ERICH3: variants seen among roughly 807,000 people sequenced by gnomAD.
The protein encoded by ERICH3 is glutamate rich 3.
In ERICH3, 126 loss-of-function variants were observed where a neutral mutation model predicts 131.1. The ratio of observed to expected loss-of-function variants is 0.96; its 90% CI spans 0.83 to 1.11. The LOEUF is 1.11. Ranked by LOEUF, ERICH3 falls within the 50% of genes most tolerant of loss-of-function variation. The probability of loss-of-function intolerance (pLI) is 0.00; values close to 1 mark genes in which losing one functional copy is unlikely to be tolerated. For synonymous variants in ERICH3, 695 were observed against 644.6 expected (o/e 1.08, Z -1.18); for missense variants, 2,050 against 1,810.7 (o/e 1.13, Z -2.40).
At chr1:74,628,415 A>G (rs1649485290) in intron 7 of ERICH3, among the ~76,000 whole-genome samples, 1 of 152,184 alleles carries the variant, frequency 6.6e-6, no homozygotes, top group Non-Finnish European at 1.5e-5. Flanking sequence ...TGGTATTGAT[A>G]AATACAGTAC....
At chr1:74,600,475 T>C (rs987670723) in intron 10 of ERICH3, among the ~76,000 whole-genome samples, 1 of 151,888 alleles carries the variant, frequency 6.6e-6, no homozygotes, top group Non-Finnish European at 1.5e-5. Flanking sequence ...AAAGGCATTA[T>C]GAAGGATTCT....
At chr1:74,588,504 GT>G (rs1300695474) in intron 12 of ERICH3, among the ~76,000 whole-genome samples, 1 of 152,138 alleles carries the variant, frequency 6.6e-6, no homozygotes, top group Non-Finnish European at 1.5e-5. Context: ...TTTAACAGTA[GT>G]TTTTAAGGGT....
intron 1 of ERICH3, among the ~76,000 whole-genome samples, chr1:74,659,200 C>T (rs981562910): frequency 1.3e-5 from 2 of 152,052 alleles, no homozygotes; most frequent in African/African-American, 4.8e-5. Context: ...GAGGATTGCT[C>T]CAGGAAGAGG....
At chr1:74,664,808 A>G (rs1159920140) in intron 1 of ERICH3, among the ~76,000 whole-genome samples, 1 of 152,220 alleles carries the variant, frequency 6.6e-6, no homozygotes, top group Non-Finnish European at 1.5e-5. Context: ...AGAGGTAGGA[A>G]GTAATTAGAT....
At chr1:74,601,362 A>G (rs1201227082) in intron 10 of ERICH3, among the ~76,000 whole-genome samples, 1 of 151,888 alleles carries the variant, frequency 6.6e-6, no homozygotes, top group Non-Finnish European at 1.5e-5. Flanking sequence ...AGACATTACA[A>G]TAAGACAATC....
At chr1:74,630,920 G>C (rs1211495925) in intron 7 of ERICH3, among the ~76,000 whole-genome samples, 2 of 152,030 alleles carry the variant, frequency 1.3e-5, no homozygotes, top group Non-Finnish European at 2.9e-5. Flanking sequence ...ATTCAAGCAA[G>C]CAGGAAGAAG....
At chr1:74,587,382 C>T (rs1403147086) in intron 12 of ERICH3, among the ~76,000 whole-genome samples, 2 of 150,594 alleles carry the variant, frequency 1.3e-5, no homozygotes, top group Non-Finnish European at 3.0e-5. Context: ...CAAACCTTGC[C>T]ATCTTGTGTT....
chr1:74,599,613 A>G, intron 11 of ERICH3, 82 bp downstream of exon 11: 1 of 1,147,812 alleles, frequency 8.7e-7, no homozygotes, highest in East Asian at 2.4e-5. Flanking sequence ...AAAGAGGATT[A>G]TCTCATTAAA....
At chr1:74,634,656 T>C (rs1646371313) in intron 6 of ERICH3, 1 of 714,676 alleles carries the variant, frequency 1.4e-6, no homozygotes, top group Non-Finnish European at 2.6e-6. Context: ...TAAAAAATAA[T>C]ATAATCACCT....
chr1:74,628,714 G>C (rs1279275737), intron 7 of ERICH3, among the ~76,000 whole-genome samples: 14 of 148,296 alleles, frequency 9.4e-5, no homozygotes, highest in African/African-American at 3.5e-4. Flanking sequence ...CACACACACA[G>C]ACACACTAAA....
At chr1:74,641,063 T>G (rs1025215753) in intron 5 of ERICH3, among the ~76,000 whole-genome samples, 1 of 151,990 alleles carries the variant, frequency 6.6e-6, no homozygotes, top group Non-Finnish European at 1.5e-5. Context: ...CCAGGGAAAG[T>G]ATTTGGGTGT....
chr1:74,625,538 A>C (rs1241662924), intron 7 of ERICH3: 1 of 151,976 alleles, frequency 6.6e-6, no homozygotes, highest in Non-Finnish European at 1.5e-5. Context: ...TCTTTCCTCT[A>C]TGTTTCTATT....
rs1422331918 is a variant in ERICH3, at chr1:74,573,213, G to A, written c.2497C>T (p.Pro833Ser). The stretch of plus-strand genomic sequence containing the variant: ...CCCTCTGCCCCCCTTTCTATGCCTG[G>A]AGGGATCTCCCTTTTTTCTGTAAAC... Reference protein sequence around the residue: ...EEFTEKREIPPGIERGAEGAA... With the variant: ...EEFTEKREIPSGIERGAEGAA... Residue 833 changes from proline (P) to serine (S), a missense_variant, in exon 14 of 15, where the codon CCA becomes TCA. Coordinates refer to ENST00000326665, the MANE Select transcript of ERICH3 (RefSeq NM_001002912.5). The A allele has an allele frequency of 6.2e-7, 1 of 1,612,558 alleles. No homozygotes were observed. The highest frequency in any genetic ancestry group is 8.5e-7 in the Non-Finnish European group (1 of 1,179,246).
At chr1:74,617,082 C>A (rs1225404526) in intron 8 of ERICH3, among the ~76,000 whole-genome samples, 1 of 149,292 alleles carries the variant, frequency 6.7e-6, no homozygotes, top group African/African-American at 2.5e-5. Context: ...TTAATCTGAG[C>A]AAAACATGGC....
chr1:74,589,984 TCAGTGTGGG>T lies in ERICH3; in HGVS notation c.1814_1822del (p.Ala605_Thr607del), dbSNP rs771313453. 5 of 1,613,918 alleles carry T rather than the reference TCAGTGTGGG, an allele frequency of 3.1e-6. No homozygotes were observed. In the South Asian group the frequency reaches 5.5e-5, roughly 18 times the overall value. On this transcript the variant is annotated inframe_deletion, in exon 12 of 15. Transcript: ENST00000326665. ...TCTGGCACTTTCATCTGTGCTGCTG[TCAGTGTGGG>T]CTTCCCTGTCCCCCACTGCAGATTC...
Position 74,612,873 on chromosome 1 carries a change from A to C in ERICH3, c.1001-64T>G, listed in dbSNP as rs529635708. 2.2e-6 allele frequency: 3 copies of C among 1,349,678 alleles called. No homozygotes were observed. The South Asian group carries it at 4.5e-5, about 20-fold the overall frequency. The allele number at this position is 1,349,678 out of a possible 1,614,324, so 83.6% of individuals were successfully genotyped here. A position where few individuals can be genotyped will look rare whatever the true frequency, so the allele number is the denominator to read the frequency against. On this transcript the variant is annotated intron_variant, in intron 8 of 14. Coordinates refer to ENST00000326665, the MANE Select transcript of ERICH3 (RefSeq NM_001002912.5). Reference sequence around the variant, plus strand: ...ACTTCGGACTAACATCTGTTAAATCATGTTTTTCTATTAGATAAACACAAT... The same window carrying C: ...ACTTCGGACTAACATCTGTTAAATCCTGTTTTTCTATTAGATAAACACAAT...
chr1:74,575,563 A>G lies in ERICH3; in HGVS notation c.2218+1332T>C, dbSNP rs535569125. 1.2e-4 allele frequency among the ~76,000 whole-genome samples: 18 copies of G among 152,340 alleles called. No individual in the cohort carries two copies. The East Asian group carries it at 2.5e-3, about 21-fold the overall frequency. On this transcript the variant is annotated intron_variant, in intron 13 of 14. Transcript: ENST00000326665. Reference sequence around the variant, plus strand: ...TTTGAAACAAAATTAAATTGAAACAATAGGAAACAATAACGTGTGTCAAGT... The same window carrying G: ...TTTGAAACAAAATTAAATTGAAACAGTAGGAAACAATAACGTGTGTCAAGT...
intron 7 of ERICH3, 121 bp from the exon 8 acceptor site, chr1:74,621,035 A>G (rs1649198626): frequency 1.3e-6 from 1 of 766,822 alleles, no homozygotes; most frequent in African/African-American, 1.8e-5. Flanking sequence ...CAAAATCTAA[A>G]TAAAGTGTCA....
chr1:74,571,565 G>A lies in ERICH3; in HGVS notation c.4145C>T (p.Ala1382Val), dbSNP rs1403650097. 1 of 1,613,966 alleles carries A rather than the reference G, an allele frequency of 6.2e-7. No individual in the cohort carries two copies. Among genetic ancestry groups the A allele is most frequent in the Non-Finnish European group, 8.5e-7 (1 of 1,180,008 alleles). Reference protein sequence around the residue: ...ANKASSFSDVAEEETWHQQDE... With the variant: ...ANKASSFSDVVEEETWHQQDE... ...CTGTTGGTGCCAGGTTTCTTCCTCA[G>A]CAACATCTGAAAAGGAGGAGGCTTT... The change falls in exon 14 of 15, where the codon GCT (alanine) becomes GTT (valine). Residue 1382 changes from alanine (A) to valine (V), a missense_variant. Ala to Val is a moderately conservative substitution (Grantham distance 64). Coordinates refer to ENST00000326665, the MANE Select transcript of ERICH3 (RefSeq NM_001002912.5).
Sources: gnomAD v4.1 joint callset for allele counts (sites outside exome capture counted in the v4.1 genomes callset) on GRCh38, gnomAD v4.1.1 for gene constraint, MANE v1.5 for transcripts, NCBI Gene and HGNC (gene_info 2026-07-23, HGNC 2026-07-21) for gene names.